The following SP3 variants were observed in gnomAD, a reference collection of about 807,000 sequenced individuals.
The protein encoded by SP3 is transcription factor Sp3.
A neutral mutation model predicts 70.3 loss-of-function variants in SP3; 10 were observed. The observed-to-expected ratio is 0.14, with a 90% CI of 0.09 to 0.24. SP3 has a LOEUF of 0.24. Ranked by LOEUF, SP3 falls within the 10% of genes least tolerant of loss-of-function variation. The pLI, the probability that SP3 is intolerant of heterozygous loss-of-function variation, is 1.00. For missense variants in SP3, 825 were observed against 914.6 expected (o/e 0.90, Z 1.26); for synonymous variants, 402 against 333.5 (o/e 1.21, Z -2.24).
At chr2:173,949,599 T>C (rs1357712097) in intron 4 of SP3, among the ~76,000 whole-genome samples, 5 of 152,116 alleles carry the variant, frequency 3.3e-5, no homozygotes, top group African/African-American at 7.2e-5. Context: ...CAGTACCCGA[T>C]AGAGTAGGAG....
chr2:173,920,716 G>T (rs935172572), intron 4 of SP3, among the ~76,000 whole-genome samples: 1 of 151,752 alleles, frequency 6.6e-6, no homozygotes, highest in African/African-American at 2.4e-5. Context: ...TCAGCCTCCC[G>T]AGTAGCTGGG....
intron 4 of SP3, among the ~76,000 whole-genome samples, chr2:173,923,987 T>C (rs1234711547): frequency 1.3e-5 from 2 of 152,036 alleles, no homozygotes; most frequent in Non-Finnish European, 2.9e-5. Context: ...AAATTATAGA[T>C]ATGAGTTCCT....
chr2:173,934,998 C>G (rs1302246288), intron 4 of SP3, among the ~76,000 whole-genome samples: 2 of 152,128 alleles, frequency 1.3e-5, no homozygotes, highest in African/African-American at 4.8e-5. Flanking sequence ...AATATAGCAG[C>G]AAATTTTGCT....
chr2:173,909,868 TAAG>T lies in SP3; in HGVS notation c.*70_*72del, dbSNP rs1689428394. 1 of 1,470,584 alleles carries T rather than the reference TAAG, an allele frequency of 6.8e-7. No homozygotes were observed. The highest frequency in any genetic ancestry group is 9.2e-7 in the Non-Finnish European group (1 of 1,083,808). 91.1% of individuals were successfully genotyped at this position (1,470,584 alleles called of 1,614,324 possible). A position where few individuals can be genotyped will look rare whatever the true frequency, so the allele number is the denominator to read the frequency against. ...TTTTGCACATCAATAAAAAGATATC[TAAG>T]AACTTAGGAACAATATTCTTCTCAC... is the stretch of plus-strand genomic sequence containing the variant. On this transcript the variant is annotated 3_prime_UTR_variant, in exon 7 of 7. Coordinates refer to ENST00000310015, the MANE Select transcript of SP3 (RefSeq NM_003111.5).
At chr2:173,951,546 C>G (rs547355831) in intron 4 of SP3, among the ~76,000 whole-genome samples, 3 of 152,152 alleles carry the variant, frequency 2.0e-5, no homozygotes, top group African/African-American at 7.2e-5. Context: ...TAAAAGAAGA[C>G]ATTTAAAGTC....
At chr2:173,920,021 G>C (rs1559092452) in intron 4 of SP3, among the ~76,000 whole-genome samples, 1 of 152,010 alleles carries the variant, frequency 6.6e-6, no homozygotes, top group Non-Finnish European at 1.5e-5. Context: ...TTAAAACAAT[G>C]AACATTAACA....
In SP3 at chr2:173,964,473, GGCCGCC is replaced by G. The variant is rs763095895; in HGVS notation, c.82_87del (p.Gly28_Gly29del). 1.6e-5 allele frequency: 11 copies of G among 707,792 alleles called. No homozygotes were observed. The highest frequency in any genetic ancestry group is 2.8e-5 in the East Asian group (1 of 35,348). 43.8% of individuals were successfully genotyped at this position (707,792 alleles called of 1,614,324 possible). A position where few individuals can be genotyped will look rare whatever the true frequency, so the allele number is the denominator to read the frequency against. ...TGCTGCTGCTGCAGATACTCGCCGTGGCCGCCGCCGCCGCCACCGCCGCCGCCGCTA... is the reference window on the plus strand; with the variant it reads ...TGCTGCTGCTGCAGATACTCGCCGTGGCCGCCGCCACCGCCGCCGCCGCTA... On this transcript the variant is annotated inframe_deletion, in exon 2 of 7. Transcript: ENST00000310015.
chr2:173,942,170 T>C, intron 4 of SP3, among the ~76,000 whole-genome samples: 1 of 152,196 alleles, frequency 6.6e-6, no homozygotes, highest in South Asian at 2.1e-4. Flanking sequence ...CTTTCCTGGT[T>C]TCATGCAGAG....
At chr2:173,936,227 A>G (rs960237962) in intron 4 of SP3, among the ~76,000 whole-genome samples, 1 of 151,936 alleles carries the variant, frequency 6.6e-6, no homozygotes, top group African/African-American at 2.4e-5. Flanking sequence ...GGGTTTCACC[A>G]TATTGGTCAG....
intron 4 of SP3, among the ~76,000 whole-genome samples, chr2:173,927,676 C>T (rs1689954565): frequency 6.6e-6 from 1 of 152,150 alleles, no homozygotes; most frequent in Non-Finnish European, 1.5e-5. Context: ...TCCTTTTAAG[C>T]TTTATAAAGT....
At chr2:173,913,369 TTA>T (rs1346503317) in intron 5 of SP3, 103 bp from the exon 6 acceptor site, 1 of 871,758 alleles carries the variant, frequency 1.1e-6, no homozygotes, top group Non-Finnish European at 1.6e-6. Context: ...ATAGAAGACA[TTA>T]TCATTACAAA....
chr2:173,946,885 CT>C (rs3045255), intron 4 of SP3, among the ~76,000 whole-genome samples: 46 of 146,630 alleles, frequency 3.1e-4, no homozygotes, highest in Admixed American at 3.4e-4. Context: ...CCACGCCTGG[CT>C]TTTTTTTTTT....
At chr2:173,944,783 AAAATT>A (rs1363049028) in intron 4 of SP3, among the ~76,000 whole-genome samples, 5 of 152,208 alleles carry the variant, frequency 3.3e-5, no homozygotes, top group African/African-American at 1.2e-4. Flanking sequence ...CTATTCCAAA[AAAATT>A]AAAGAGAAAA....
chr2:173,932,879 C>G (rs980880508), intron 4 of SP3, among the ~76,000 whole-genome samples: 1 of 152,056 alleles, frequency 6.6e-6, no homozygotes, highest in Non-Finnish European at 1.5e-5. Context: ...GTAGTCCCAG[C>G]TACTCGGGAG....
At chr2:173,943,157 A>AATACATAAATTAT (rs1480333862) in intron 4 of SP3, among the ~76,000 whole-genome samples, 6 of 152,176 alleles carry the variant, frequency 3.9e-5, no homozygotes, top group Non-Finnish European at 7.3e-5. Context: ...TGATCTTTTA[A>AATACATAAATTAT]ATACATAAAT....
Position 173,902,097 on chromosome 2 carries a change from T to G in SP3, c.*7844A>C, listed in dbSNP as rs111576297. On this transcript the variant is annotated 3_prime_UTR_variant, in exon 7 of 7. Transcript: ENST00000310015. ...ACCTGGGCAGGGCTTGACTGAGAGATAGAAGGTGGAACCAGTGAGAAAAAC... is the reference window on the plus strand; with the variant it reads ...ACCTGGGCAGGGCTTGACTGAGAGAGAGAAGGTGGAACCAGTGAGAAAAAC... Among the ~76,000 whole-genome samples the G allele has an allele frequency of 1.3e-5, 2 of 152,196 alleles. No individual in the cohort carries two copies. Among genetic ancestry groups the G allele is most frequent in the Non-Finnish European group, 2.9e-5 (2 of 68,038 alleles).
intron 4 of SP3, among the ~76,000 whole-genome samples, chr2:173,950,808 G>C (rs771301380): frequency 5.3e-5 from 8 of 151,992 alleles, no homozygotes; most frequent in Non-Finnish European, 8.8e-5. Flanking sequence ...CTCCCTTCTT[G>C]CCAATTAGAA....
chr2:173,946,091 C>T (rs759281981), intron 4 of SP3, among the ~76,000 whole-genome samples: 18 of 152,056 alleles, frequency 1.2e-4, no homozygotes, highest in Non-Finnish European at 2.5e-4. Flanking sequence ...CACACCACTG[C>T]ACTCCAGCCT....
Position 173,905,598 on chromosome 2 carries a change from TGAC to T in SP3, c.*4340_*4342del, listed in dbSNP as rs200994845. On this transcript the variant is annotated 3_prime_UTR_variant, in exon 7 of 7. Coordinates refer to ENST00000310015, the MANE Select transcript of SP3 (RefSeq NM_003111.5). ...ATGAAGTGGCATGAATCATGTTACA[TGAC>T]AATATACATGACACCTTTTTAAAAA... Among the ~76,000 whole-genome samples the T allele has an allele frequency of 6.5e-3, 989 of 152,202 alleles. 17 individuals carry two copies. The highest frequency in any genetic ancestry group is 0.038 in the East Asian group (195 of 5,180).
Sources: gnomAD v4.1 joint callset for allele counts (sites outside exome capture counted in the v4.1 genomes callset) on GRCh38, gnomAD v4.1.1 for gene constraint, MANE v1.5 for transcripts, NCBI Gene and HGNC (gene_info 2026-07-23, HGNC 2026-07-21) for gene names.